The following TP53BP1 variants were observed in gnomAD, a reference collection of about 807,000 sequenced individuals.
The protein encoded by TP53BP1 is TP53-binding protein 1.
Under a neutral mutation model 200.8 loss-of-function variants are expected in TP53BP1, and 61 were observed. That is an observed-to-expected ratio of 0.30 (90% CI 0.25 to 0.38). TP53BP1 has a LOEUF of 0.38. Ranked by LOEUF, TP53BP1 falls within the 10% of genes least tolerant of loss-of-function variation. TP53BP1 has a pLI of 1.00. For missense variants in TP53BP1, 2,144 were observed against 2,371.9 expected (o/e 0.90, Z 2.00); for synonymous variants, 822 against 844.3 (o/e 0.97, Z 0.46).
At chr15:43,418,465 C>CT (rs1461334514) in intron 21 of TP53BP1, among the ~76,000 whole-genome samples, 1 of 149,660 alleles carries the variant, frequency 6.7e-6, no homozygotes, top group Non-Finnish European at 1.5e-5. Context: ...TCACGCCACT[C>CT]ACTGCACTCC....
intron 12 of TP53BP1, among the ~76,000 whole-genome samples, chr15:43,454,590 C>T (rs1191018737): frequency 1.3e-5 from 2 of 151,970 alleles, no homozygotes; most frequent in African/African-American, 2.4e-5. Flanking sequence ...CTCAAACTTC[C>T]GACCTCAGGC....
intron 15 of TP53BP1, among the ~76,000 whole-genome samples, chr15:43,438,633 G>A (rs1007914527): frequency 2.1e-5 from 3 of 142,260 alleles, no homozygotes; most frequent in Non-Finnish European, 3.0e-5. Flanking sequence ...ACAGAGGACT[G>A]TATTAAATAC....
chr15:43,508,809 A>AT (rs1366867075), intron 1 of TP53BP1, among the ~76,000 whole-genome samples: 9 of 152,228 alleles, frequency 5.9e-5, no homozygotes, highest in Admixed American at 1.3e-4. Context: ...TCCAGCACAC[A>AT]TAAGCAATTT....
rs531595127 is a variant in TP53BP1, at chr15:43,403,931, A to G, written c.*3452T>C. 40 of 668,004 alleles carry G rather than the reference A, an allele frequency of 6.0e-5. No individual in the cohort carries two copies. In the African/African-American group the frequency reaches 7.1e-4, roughly 12 times the overall value. 41.4% of individuals were successfully genotyped at this position (668,004 alleles called of 1,614,324 possible). On this transcript the variant is annotated 3_prime_UTR_variant, in exon 28 of 28. Transcript: ENST00000382044. ...ACACACGTACAGAGATAAGATACAA[A>G]GATAAAAATGTTGGTATCAGTTGAT...
Position 43,407,420 on chromosome 15 carries a change from T to C in TP53BP1, c.5897A>G (p.Gln1966Arg), listed in dbSNP as rs753824742. ...LIVGERIGFK[Q>R]HPKYKHDYVS... is the part of the protein sequence containing the mutation. ...ATAATCGTGTTTATATTTTGGATGC[T>C]GCTTGAATCCAATTCTCTCCCCAAC... Residue 1966 changes from glutamine to arginine, a missense_variant, in exon 28 of 28, where the codon CAG (glutamine) becomes CGG (arginine). By Grantham distance (43) the Gln-to-Arg change is conservative (BLOSUM62 1). Transcript: ENST00000382044. 4.3e-6 allele frequency: 7 copies of C among 1,614,116 alleles called. No homozygotes were observed. The highest frequency in any genetic ancestry group is 5.9e-6 in the Non-Finnish European group (7 of 1,180,048).
At chr15:43,500,423 A>G (rs2079203670) in intron 1 of TP53BP1, among the ~76,000 whole-genome samples, 1 of 152,118 alleles carries the variant, frequency 6.6e-6, no homozygotes, top group African/African-American at 2.4e-5. Flanking sequence ...ACAAATGCTC[A>G]ATCTTATTTC....
Position 43,500,479 on chromosome 15 carries a change from C to A in TP53BP1, c.-8-8011G>T, listed in dbSNP as rs2079204040. Among the ~76,000 whole-genome samples the A allele has an allele frequency of 2.0e-5, 3 of 152,060 alleles. No individual in the cohort carries two copies. The South Asian group carries it at 6.2e-4, about 32-fold the overall frequency. On this transcript the variant is annotated intron_variant, in intron 1 of 27. Transcript: ENST00000263801. ...CCCAAACTGATTTCTAAACAAATCCCAGACATCATATAATTTTAACCAAAA... is the reference window on the plus strand; with the variant it reads ...CCCAAACTGATTTCTAAACAAATCCAAGACATCATATAATTTTAACCAAAA...
chr15:43,468,655 TA>T (rs1486692528), intron 11 of TP53BP1, among the ~76,000 whole-genome samples: 14 of 109,954 alleles, frequency 1.3e-4, no homozygotes, highest in African/African-American at 1.2e-3. Flanking sequence ...GCTACCCTTA[TA>T]TGCAGTACCA....
intron 1 of TP53BP1, among the ~76,000 whole-genome samples, chr15:43,505,181 T>A (rs2079229783): frequency 6.6e-6 from 1 of 152,122 alleles, no homozygotes; most frequent in African/African-American, 2.4e-5. Context: ...GTAAAGGGAA[T>A]AATATTTCTT....
At position 43,481,039 on chromosome 15, in the gene TP53BP1, T is replaced by C; in HGVS notation, c.372-17A>G. The C allele has an allele frequency of 6.2e-7, 1 of 1,613,922 alleles. No homozygotes were observed. Among genetic ancestry groups the C allele is most frequent in the Non-Finnish European group, 8.5e-7 (1 of 1,179,966 alleles). ...CCCAGAACACTACACAGCAGAAGGA[T>C]ATAATCATGTGTTCCCAGATAGTTT... On this transcript the variant is annotated splice_polypyrimidine_tract_variant and intron_variant, in intron 4 of 27. Coordinates refer to ENST00000382044, the MANE Select transcript of TP53BP1 (RefSeq NM_001141980.3).
chr15:43,441,675 T>A, intron 14 of TP53BP1, 92 bp from the exon 15 acceptor site: 1 of 778,184 alleles, frequency 1.3e-6, no homozygotes, highest in South Asian at 1.5e-5. Context: ...TACTAGTATT[T>A]GCAAAAAATA....
chr15:43,421,107 T>G lies in TP53BP1; in HGVS notation c.4168A>C (p.Ile1390Leu), dbSNP rs548813580. 4 of 1,614,260 alleles carry G rather than the reference T, an allele frequency of 2.5e-6. No homozygotes were observed. In the East Asian group the frequency reaches 6.7e-5, roughly 27 times the overall value. Residue 1390 changes from isoleucine to leucine, a missense_variant, in exon 20 of 28, where the codon ATC becomes CTC. Coordinates refer to ENST00000382044, the MANE Select transcript of TP53BP1 (RefSeq NM_001141980.3). ...CEEDGDAGLG[I>L]RQGGKAPVTP... is the part of the protein sequence containing the mutation. ...ACTGGAGCCTTCCCTCCCTGTCTGA[T>G]GCCAAGGCCTGCATCACCATCCTCC...
At chr15:43,446,639 A>G in intron 13 of TP53BP1, 49 bp from the exon 14 acceptor site, 1 of 1,590,248 alleles carries the variant, frequency 6.3e-7, no homozygotes, top group Non-Finnish European at 8.6e-7. Flanking sequence ...CTAAAATACA[A>G]ACACAAAAAA....
chr15:43,484,306 C>T (rs1214542528), intron 4 of TP53BP1, among the ~76,000 whole-genome samples: 3 of 152,198 alleles, frequency 2.0e-5, no homozygotes, highest in Admixed American at 6.5e-5. Context: ...TTTTCAAATA[C>T]TCAGAATCTC....
chr15:43,438,387 C>T lies in TP53BP1; in HGVS notation c.3128G>A (p.Cys1043Tyr). 1 of 1,613,340 alleles carries T rather than the reference C, an allele frequency of 6.2e-7. No individual in the cohort carries two copies. The highest frequency in any genetic ancestry group is 8.5e-7 in the Non-Finnish European group (1 of 1,179,690). Reference protein sequence around the residue: ...SPQKTMSVLSCICEARQENEA... With the variant: ...SPQKTMSVLSYICEARQENEA... Reference sequence around the variant, plus strand: ...ATTCTCTTGCCTGGCTTCACAGATACAGCTCAACACAGACATGGTCTTCTG... The same window carrying T: ...ATTCTCTTGCCTGGCTTCACAGATATAGCTCAACACAGACATGGTCTTCTG... The change falls in exon 16 of 28, where the codon TGT (cysteine) becomes TAT (tyrosine). Residue 1043 changes from cysteine to tyrosine, a missense_variant. Physicochemically the swap from Cys to Tyr is radical, Grantham distance 194. Around this residue, in one of 4 missense-constraint regions of TP53BP1, gnomAD observed 1,700 missense variants for 1,710.3 expected, o/e 0.99. Transcript: ENST00000382044.
intron 14 of TP53BP1, among the ~76,000 whole-genome samples, chr15:43,446,023 T>C (rs1258499715): frequency 6.6e-6 from 1 of 152,212 alleles, no homozygotes; most frequent in Non-Finnish European, 1.5e-5. Context: ...CCCTCCCTTG[T>C]ATCTTCTCTT....
Position 43,480,745 on chromosome 15 carries a change from C to T in TP53BP1, c.499+150G>A, listed in dbSNP as rs13380265. On this transcript the variant is annotated intron_variant, in intron 5 of 27. Coordinates refer to ENST00000382044, the MANE Select transcript of TP53BP1 (RefSeq NM_001141980.3). ...TTCCTGAATACCAAATCAGGTGGAA[C>T]ATTTTAAATTACTAGCAAATTTCTT... 2.4e-3 allele frequency: 2,223 copies of T among 910,576 alleles called. 40 individuals carry two copies. In the African/African-American group the frequency reaches 0.034, roughly 14 times the overall value. 56.4% of individuals were successfully genotyped at this position (910,576 alleles called of 1,614,324 possible). A position where few individuals can be genotyped will look rare whatever the true frequency, so the allele number is the denominator to read the frequency against.
chr15:43,451,430 C>T (rs150941028), intron 12 of TP53BP1, among the ~76,000 whole-genome samples: 3,760 of 151,182 alleles, frequency 0.025, 173 homozygotes, highest in African/African-American at 0.088. Context: ...TGAGAACATG[C>T]GGTGTTTGGT....
chr15:43,478,654 C>A (rs2078917587), intron 7 of TP53BP1, among the ~76,000 whole-genome samples: 1 of 152,062 alleles, frequency 6.6e-6, no homozygotes, highest in Admixed American at 6.6e-5. Flanking sequence ...AAGTTAAGAG[C>A]CTAAAGAACC....
Sources: gnomAD v4.1 joint callset for allele counts (sites outside exome capture counted in the v4.1 genomes callset) on GRCh38, gnomAD v4.1.1 for gene constraint, gnomAD v4.1.1 regional missense constraint, MANE v1.5 for transcripts, NCBI Gene and HGNC (gene_info 2026-07-23, HGNC 2026-07-21) for gene names.